FLVCR2: variants seen among roughly 807,000 people sequenced by gnomAD.
FLVCR2 encodes choline/ethanolamine transporter FLVCR2.
A neutral mutation model predicts 48.9 loss-of-function variants in FLVCR2; 38 were observed. The observed-to-expected ratio is 0.78, with a 90% CI of 0.60 to 1.02. FLVCR2 has a LOEUF of 1.02. Among genes scored for constraint, FLVCR2 ranks in the 50% least tolerant of loss-of-function variants. FLVCR2 has a pLI of 0.00. For missense variants in FLVCR2, 664 were observed against 663.3 expected, an observed-to-expected ratio of 1.00 and a Z score of -0.01; for synonymous variants, 255 against 257.0, an observed-to-expected ratio of 0.99 and a Z score of 0.07.
At chr14:75,624,921 A>ATTTCCCCATTAGACTGAACTCTCTG (rs1889861005) in intron 3 of FLVCR2, among the ~76,000 whole-genome samples, 169 bp downstream of exon 3, 1 of 152,010 alleles carries the variant, frequency 6.6e-6, no homozygotes, top group African/African-American at 2.4e-5. Context: ...CATGTGTTGT[A>ATTTCCCCATTAGACTGAACTCTCTG]AAGTCCACCT....
intron 1 of FLVCR2, among the ~76,000 whole-genome samples, chr14:75,601,176 G>A (rs1433768244): frequency 6.6e-6 from 1 of 152,284 alleles, no homozygotes; most frequent in Non-Finnish European, 1.5e-5. Context: ...GAAGGGATGG[G>A]CTGAATTAAT....
chr14:75,595,851 C>G, intron 1 of FLVCR2: 4 of 972,888 alleles, frequency 4.1e-6, no homozygotes, highest in Non-Finnish European at 6.7e-6. Context: ...CTTTGCAGTC[C>G]CCCTGACTTT....
chr14:75,641,826 C>T lies in FLVCR2; in HGVS notation c.1454-17C>T, dbSNP rs1476756531. ...CTGTATTTTTGTCTCTCTTCCTTCT[C>T]AATCTATCAACCTTAGCATTCATTA... is the stretch of plus-strand genomic sequence containing the variant. On this transcript the variant is annotated splice_polypyrimidine_tract_variant and intron_variant, in intron 8 of 9. Transcript: ENST00000238667. 6.2e-7 allele frequency: 1 copy of T among 1,611,350 alleles called. No individual in the cohort carries two copies. Among genetic ancestry groups the T allele is most frequent in the Admixed American group, 1.7e-5 (1 of 60,028 alleles).
chr14:75,630,688 G>T (rs966754914), intron 3 of FLVCR2, among the ~76,000 whole-genome samples: 3 of 152,082 alleles, frequency 2.0e-5, no homozygotes, highest in Admixed American at 1.3e-4. Flanking sequence ...AGACCCCAAA[G>T]AAATTTTTTA....
Position 75,646,465 on chromosome 14 carries a change from A to AT in FLVCR2, c.1575dup (p.Leu526SerfsTer7). On this transcript the variant is annotated frameshift_variant, in exon 10 of 10. Transcript: ENST00000238667. LOFTEE classifies it high-confidence loss of function. ...GTGCCCACTGCTGTGTCAGAGGATC[A>AT]TCTCTGAGAGGAAGGTGGTGACAAC... 6.2e-7 allele frequency: 1 copy of AT among 1,610,282 alleles called. No homozygotes were observed. Among genetic ancestry groups the AT allele is most frequent in the Non-Finnish European group, 8.5e-7 (1 of 1,176,446 alleles).
chr14:75,643,250 GTTGTTTTGAA>G (rs1455215062), intron 9 of FLVCR2, among the ~76,000 whole-genome samples: 7 of 152,216 alleles, frequency 4.6e-5, no homozygotes, highest in Non-Finnish European at 8.8e-5. Flanking sequence ...GGACATTAAG[GTTGTTTTGAA>G]TTGTTACAAA....
intron 1 of FLVCR2, among the ~76,000 whole-genome samples, chr14:75,618,702 T>C (rs927408403): frequency 7.9e-5 from 12 of 152,226 alleles, no homozygotes; most frequent in Non-Finnish European, 1.6e-4. Context: ...AGAGGTTTCC[T>C]GTCAAATGAA....
At chr14:75,592,192 C>G (rs1888901689) in intron 1 of FLVCR2, among the ~76,000 whole-genome samples, 1 of 152,106 alleles carries the variant, frequency 6.6e-6, no homozygotes, top group Admixed American at 6.6e-5. Flanking sequence ...GCCCACCACT[C>G]TTGCATTCCA....
intron 1 of FLVCR2, among the ~76,000 whole-genome samples, chr14:75,580,503 C>T (rs78340779): frequency 0.011 from 1,623 of 152,348 alleles, 13 homozygotes; most frequent in Middle Eastern, 0.034. Flanking sequence ...AATCCTGTCT[C>T]ACACGTCCAT....
intron 1 of FLVCR2, among the ~76,000 whole-genome samples, chr14:75,602,614 A>T (rs1007578907): frequency 2.6e-5 from 4 of 152,216 alleles, no homozygotes; most frequent in Non-Finnish European, 4.4e-5. Context: ...TTTTTATTAT[A>T]CCACAGTTAC....
intron 1 of FLVCR2, among the ~76,000 whole-genome samples, chr14:75,604,922 C>A (rs1028991702): frequency 2.0e-5 from 3 of 152,098 alleles, no homozygotes; most frequent in African/African-American, 7.2e-5. Context: ...TCCCAGAGTG[C>A]GGTGATGAAG....
intron 1 of FLVCR2, among the ~76,000 whole-genome samples, chr14:75,599,903 A>G (rs1309597314): frequency 1.3e-5 from 2 of 152,194 alleles, no homozygotes; most frequent in East Asian, 3.8e-4. Flanking sequence ...CTGGATAACC[A>G]TATGAAATTA....
intron 1 of FLVCR2, among the ~76,000 whole-genome samples, chr14:75,602,624 C>T (rs1202259466): frequency 2.6e-5 from 4 of 152,084 alleles, no homozygotes; most frequent in Admixed American, 6.5e-5. Flanking sequence ...ACCACAGTTA[C>T]CTGCAGTAGA....
intron 1 of FLVCR2, among the ~76,000 whole-genome samples, chr14:75,619,250 A>T (rs915632415): frequency 3.3e-5 from 5 of 152,138 alleles, no homozygotes; most frequent in African/African-American, 1.2e-4. Context: ...ATTAATTAAA[A>T]ATAAATAAAG....
chr14:75,605,459 G>T (rs1003038363), intron 1 of FLVCR2: 3 of 1,499,206 alleles, frequency 2.0e-6, no homozygotes, highest in African/African-American at 2.8e-5. Flanking sequence ...GGCCCAGCCA[G>T]ACACTTCTGC....
chr14:75,642,028 C>T, intron 9 of FLVCR2, 130 bp downstream of exon 9: 2 of 810,700 alleles, frequency 2.5e-6, no homozygotes, highest in Non-Finnish European at 4.3e-6. Flanking sequence ...ACCAGTTCAT[C>T]CCTTACACAT....
At chr14:75,580,249 T>C (rs535441577) in intron 1 of FLVCR2, among the ~76,000 whole-genome samples, 1 of 152,322 alleles carries the variant, frequency 6.6e-6, no homozygotes, top group Admixed American at 6.5e-5. Context: ...AAAGGGTAGT[T>C]CATGTCTTAA....
rs1888678787 is a variant in FLVCR2, at chr14:75,584,128, C to A, written c.669+4487C>A. Reference sequence around the variant, plus strand: ...ATTCTGAGGCCCAGTGGCCAGGCTTCTGGCATTCGAAGCAAGGTCCACAAG... The same window carrying A: ...ATTCTGAGGCCCAGTGGCCAGGCTTATGGCATTCGAAGCAAGGTCCACAAG... On this transcript the variant is annotated intron_variant, in intron 1 of 9. Transcript: ENST00000238667. 2.0e-5 allele frequency among the ~76,000 whole-genome samples: 3 copies of A among 152,216 alleles called. No homozygotes were observed. In the South Asian group the frequency reaches 6.2e-4, roughly 32 times the overall value.
chr14:75,639,597 G>C (rs1488217153), intron 6 of FLVCR2, 135 bp downstream of exon 6: 9 of 728,502 alleles, frequency 1.2e-5, no homozygotes, highest in Non-Finnish European at 7.5e-6. Flanking sequence ...TGGTGCCCAG[G>C]GGTCTCGGTA....
Sources: allele counts gnomAD v4.1 joint callset (sites outside exome capture counted in the v4.1 genomes callset), GRCh38; gene constraint gnomAD v4.1.1; transcripts MANE v1.5; gene names NCBI Gene and HGNC (gene_info 2026-07-23, HGNC 2026-07-21).